PPP1R12A: variants seen among roughly 807,000 people sequenced by gnomAD.
The protein encoded by PPP1R12A is protein phosphatase 1 regulatory subunit 12A, also known as myosin binding subunit.
Under a neutral mutation model 139.6 loss-of-function variants are expected in PPP1R12A, and 19 were observed. The observed-to-expected ratio is 0.14, with a 90% CI of 0.09 to 0.20. The LOEUF (loss-of-function observed/expected upper bound fraction) is 0.20, where lower values mean the gene tolerates loss of function less well. Among genes scored for constraint, PPP1R12A ranks in the 10% least tolerant of loss-of-function variants. The pLI is 1.00. For missense variants in PPP1R12A, 925 were observed against 1,211.5 expected, an observed-to-expected ratio of 0.76 and a Z score of 3.51; for synonymous variants, 427 against 420.6, an observed-to-expected ratio of 1.02 and a Z score of -0.19.
chr12:79,774,647 A>AG lies in PPP1R12A; in HGVS notation c.*1281dup, dbSNP rs1869549021. On this transcript the variant is annotated 3_prime_UTR_variant, in exon 25 of 25. Transcript: ENST00000450142. The stretch of plus-strand genomic sequence containing the variant: ...CTTTTTTTTCCTTAAAAAAAAAAAA[A>AG]GGCCACTGAAATGTATAAAATGGTC... 7.1e-6 allele frequency: 1 copy of AG among 140,330 alleles called. No individual in the cohort carries two copies. The highest frequency in any genetic ancestry group is 2.7e-5 in the African/African-American group (1 of 37,498). 8.7% of individuals were successfully genotyped at this position (140,330 alleles called of 1,614,324 possible). A position where few individuals can be genotyped will look rare whatever the true frequency, so the allele number is the denominator to read the frequency against.
At chr12:79,791,990 A>G (rs1055665302) in intron 19 of PPP1R12A, among the ~76,000 whole-genome samples, 35 of 152,276 alleles carry the variant, frequency 2.3e-4, no homozygotes, top group African/African-American at 7.0e-4. Flanking sequence ...ATATCTTTTT[A>G]AAGATAAAAA....
intron 9 of PPP1R12A, among the ~76,000 whole-genome samples, chr12:79,814,195 C>T (rs574490301): frequency 2.0e-5 from 3 of 152,124 alleles, no homozygotes; most frequent in Admixed American, 6.5e-5. Context: ...ACTCCCTCTT[C>T]GGCTGGGCAT....
chr12:79,872,650 TA>T (rs1260587797), intron 2 of PPP1R12A, among the ~76,000 whole-genome samples, 157 bp downstream of exon 2: 20 of 152,160 alleles, frequency 1.3e-4, no homozygotes, highest in African/African-American at 4.8e-4. Context: ...TCTGAGAATA[TA>T]TGGATTCCCA....
chr12:79,854,229 C>T (rs1039594951), intron 2 of PPP1R12A, among the ~76,000 whole-genome samples: 1 of 151,732 alleles, frequency 6.6e-6, no homozygotes, highest in African/African-American at 2.4e-5. Context: ...GGCGGGGGGG[C>T]AGGGGAAATT....
chr12:79,839,357 C>T (rs1240368238), intron 3 of PPP1R12A, among the ~76,000 whole-genome samples: 3 of 152,080 alleles, frequency 2.0e-5, no homozygotes. Context: ...AGACTTTGGA[C>T]TTGGACTTTT....
chr12:79,892,263 C>G (rs773462026), intron 1 of PPP1R12A, among the ~76,000 whole-genome samples: 15 of 152,196 alleles, frequency 9.9e-5, no homozygotes, highest in Non-Finnish European at 1.8e-4. Context: ...TGCACAAATT[C>G]AAAGCTCTAA....
chr12:79,896,674 C>T (rs559187154), intron 1 of PPP1R12A, among the ~76,000 whole-genome samples: 8 of 152,194 alleles, frequency 5.3e-5, no homozygotes, highest in African/African-American at 1.7e-4. Flanking sequence ...CTCTTTAGTT[C>T]GTAAAGGGGT....
At chr12:79,822,082 A>G in intron 6 of PPP1R12A, 34 bp downstream of exon 6, 1 of 1,345,746 alleles carries the variant, frequency 7.4e-7, no homozygotes, top group Non-Finnish European at 1.0e-6. Context: ...TATTAAGGTA[A>G]GTAATATAGG....
At position 79,774,429 on chromosome 12, in the gene PPP1R12A, T is replaced by C. The variant is rs1203077124; in HGVS notation, c.*1500A>G. The C allele has an allele frequency of 6.6e-6, 1 of 152,514 alleles. No homozygotes were observed. The highest frequency in any genetic ancestry group is 1.5e-5 in the Non-Finnish European group (1 of 67,972). The allele number at this position is 152,514 out of a possible 1,614,324, so 9.4% of individuals were successfully genotyped here. On this transcript the variant is annotated 3_prime_UTR_variant, in exon 25 of 25. Coordinates refer to ENST00000450142, the MANE Select transcript of PPP1R12A (RefSeq NM_002480.3). ...GTACAAATTCACATTTAATATAGTATACAATACAATCAATAATACAATCAG... is the reference window on the plus strand; with the variant it reads ...GTACAAATTCACATTTAATATAGTACACAATACAATCAATAATACAATCAG...
intron 6 of PPP1R12A, among the ~76,000 whole-genome samples, chr12:79,821,648 G>A (rs1158500487): frequency 6.6e-6 from 1 of 151,772 alleles, no homozygotes; most frequent in Non-Finnish European, 1.5e-5. Flanking sequence ...AGCTACTCAG[G>A]AGGCTGAGGC....
intron 1 of PPP1R12A, among the ~76,000 whole-genome samples, chr12:79,916,145 T>G (rs1886978058): frequency 9.9e-6 from 1 of 100,872 alleles, no homozygotes; most frequent in Admixed American, 8.7e-5. Context: ...TTTAAACAAA[T>G]GTACCTATAA....
At chr12:79,911,536 C>T (rs1886563616) in intron 1 of PPP1R12A, among the ~76,000 whole-genome samples, 1 of 152,132 alleles carries the variant, frequency 6.6e-6, no homozygotes, top group African/African-American at 2.4e-5. Flanking sequence ...GTACACCAAA[C>T]CCCCATGACA....
chr12:79,778,427 T>C (rs1301915743), intron 24 of PPP1R12A, 123 bp downstream of exon 24: 19 of 646,724 alleles, frequency 2.9e-5, no homozygotes, highest in South Asian at 8.3e-5. Flanking sequence ...GCACCAGATA[T>C]AGACAGTTCA....
chr12:79,777,317 C>A, intron 24 of PPP1R12A: 1 of 980,602 alleles, frequency 1.0e-6, no homozygotes, highest in Non-Finnish European at 1.2e-6. Context: ...CCAAAATCAT[C>A]CCTAATTTTA....
intron 1 of PPP1R12A, among the ~76,000 whole-genome samples, chr12:79,877,746 C>T (rs1883249531): frequency 6.6e-6 from 1 of 152,088 alleles, no homozygotes; most frequent in Admixed American, 6.6e-5. Flanking sequence ...AAACTCCTGA[C>T]CTCAAGTGAT....
intron 22 of PPP1R12A, among the ~76,000 whole-genome samples, chr12:79,784,963 A>G (rs1036328551): frequency 7.2e-5 from 11 of 152,096 alleles, no homozygotes; most frequent in Non-Finnish European, 1.6e-4. Flanking sequence ...TACTTAGAAC[A>G]TTATAATGAA....
intron 19 of PPP1R12A, among the ~76,000 whole-genome samples, chr12:79,792,053 G>A (rs999575845): frequency 6.6e-6 from 1 of 152,044 alleles, no homozygotes; most frequent in Non-Finnish European, 1.5e-5. Flanking sequence ...CTATGGTATT[G>A]TAAAGTTCAC....
chr12:79,902,346 A>G (rs759978826), intron 1 of PPP1R12A, among the ~76,000 whole-genome samples: 1 of 152,134 alleles, frequency 6.6e-6, no homozygotes, highest in Non-Finnish European at 1.5e-5. Flanking sequence ...TGCGTTTTAT[A>G]TATTATTTTA....
chr12:79,851,565 A>T (rs1880045052), intron 2 of PPP1R12A, among the ~76,000 whole-genome samples: 1 of 152,114 alleles, frequency 6.6e-6, no homozygotes, highest in African/African-American at 2.4e-5. Flanking sequence ...AAGATTTTTT[A>T]ATCTTCAATT....
Sources: gnomAD v4.1 joint callset for allele counts (sites outside exome capture counted in the v4.1 genomes callset) on GRCh38, gnomAD v4.1.1 for gene constraint, MANE v1.5 for transcripts, NCBI Gene and HGNC (gene_info 2026-07-23, HGNC 2026-07-21) for gene names.